PSD: variants seen among roughly 807,000 people sequenced by gnomAD.
The protein encoded by PSD is pleckstrin and Sec7 domain containing.
PSD carries 32 observed loss-of-function variants against 91.6 expected under a neutral mutation model. The observed-to-expected ratio is 0.35, with a 90% confidence interval of 0.26 to 0.47. The LOEUF (loss-of-function observed/expected upper bound fraction) is 0.47. Ranked by LOEUF, PSD falls within the 20% of genes least tolerant of loss-of-function variation. The pLI is 1.00. For synonymous variants in PSD, 532 were observed against 569.3 expected (o/e 0.93, Z 0.93); for missense variants, 1,099 against 1,373.9 (o/e 0.80, Z 3.16).
rs149322948 is a variant in PSD at position 102,414,130 on chromosome 10, C to T, written c.1192G>A (p.Gly398Arg). ...FLPGTSPSAD[G>R]PDSFSCVFEA... ...AACACACAACTGAAAGAGTCAGGCC[C>T]ATCAGCCGAGGGGCTCGTCCCAGGT... Residue 398 changes from glycine to arginine, a missense_variant, in exon 5 of 17, where the codon GGG (glycine) becomes AGG (arginine). Around this residue, in one of 3 missense-constraint regions of PSD, gnomAD observed 631 missense variants for 728.8 expected, o/e 0.87. Transcript: ENST00000020673. The surrounding 1 kb of genome is among the most constrained non-coding windows in gnomAD (Gnocchi z 5.6). 4.3e-6 allele frequency: 7 copies of T among 1,613,936 alleles called. No individual in the cohort carries two copies. Among genetic ancestry groups the T allele is most frequent in the African/African-American group, 4.0e-5 (3 of 74,900 alleles).
chr10:102,411,915 TGGGAA>T, intron 7 of PSD, 96 bp from the exon 8 acceptor site: 2 of 985,284 alleles, frequency 2.0e-6, no homozygotes, highest in Non-Finnish European at 3.2e-6. Context: ...GCAGCTGGGG[TGGGAA>T]GGGGAGGAGA....
In PSD at chr10:102,409,285, G is replaced by A. The variant is rs1392347034; in HGVS notation, c.2091+1573C>T. 1.0e-6 allele frequency: 1 copy of A among 985,538 alleles called. No homozygotes were observed. The highest frequency in any genetic ancestry group is 1.1e-4 in the East Asian group (1 of 8,802). 61.0% of individuals were successfully genotyped at this position (985,538 alleles called of 1,614,324 possible). A position where few individuals can be genotyped will look rare whatever the true frequency, so the allele number is the denominator to read the frequency against. ...GGCGGCGCTGTCTGCTCTGCGGCTT[G>A]GCTAGAGCGGGAGGGGGGCGCCGAC... On this transcript the variant is annotated intron_variant, in intron 10 of 16. Transcript: ENST00000020673. This position sits in a 1 kb window ranked among gnomAD's most constrained non-coding sequence, Gnocchi z 5.7.
intron 10 of PSD, among the ~76,000 whole-genome samples, chr10:102,408,417 A>C (rs1340262148): frequency 1.3e-5 from 2 of 148,912 alleles, no homozygotes; most frequent in Non-Finnish European, 1.5e-5. Context: ...TCCAACCCCC[A>C]CTCCACCGCC....
In PSD at chr10:102,405,142, C is replaced by T. The variant is rs375437289; in HGVS notation, c.2397+41G>A. The stretch of plus-strand genomic sequence containing the variant: ...CACCCATCACCCCACACCCACCAGC[C>T]AACTCAGTCCCAGCCCCAGCCCCCT... On this transcript the variant is annotated intron_variant, in intron 13 of 16. Transcript: ENST00000020673. This position sits in a 1 kb window ranked among gnomAD's most constrained non-coding sequence, Gnocchi z 5.4. 204 of 1,610,784 alleles carry T rather than the reference C, an allele frequency of 1.3e-4. 2 individuals carry two copies. The African/African-American group carries it at 2.3e-3, about 19-fold the overall frequency.
intron 1 of PSD, among the ~76,000 whole-genome samples, chr10:102,417,638 G>T (rs2061497479): frequency 6.6e-6 from 1 of 152,068 alleles, no homozygotes; most frequent in Admixed American, 6.6e-5. Flanking sequence ...GCATGGAAGT[G>T]GGGAGAAAAG....
At position 102,411,767 on chromosome 10, in the gene PSD, C is replaced by T. The variant is rs1464678332; in HGVS notation, c.1882G>A (p.Val628Met). ...LMGETQERER[V>M]LAHFSQRYFQ... ...TATCGCTGGGAGAAGTGGGCCAGCA[C>T]GCGCTCTCGTTCCTGGGTCTCACCC... is the stretch of plus-strand genomic sequence containing the variant. Residue 628 changes from valine to methionine, a missense_variant, in exon 8 of 17, where the codon GTG becomes ATG. Physicochemically the swap from Val to Met is conservative, Grantham distance 21. This residue lies in a region of PSD where 110 missense variants were observed against 218.7 expected (regional missense o/e 0.50). Transcript: ENST00000020673. The T allele has an allele frequency of 1.2e-6, 2 of 1,613,804 alleles. No individual in the cohort carries two copies. The highest frequency in any genetic ancestry group is 1.7e-5 in the Admixed American group (1 of 59,996).
In PSD at chr10:102,405,377, T is replaced by A. The variant is rs779013414; in HGVS notation, c.2295A>T (p.Arg765=). 1 of 1,613,358 alleles carries A rather than the reference T, an allele frequency of 6.2e-7. No homozygotes were observed. The highest frequency in any genetic ancestry group is 2.2e-5 in the East Asian group (1 of 44,878). Residue 765 remains arginine (R), a synonymous_variant, in exon 12 of 17, where the codon CGA becomes CGT. Coordinates refer to ENST00000020673, the MANE Select transcript of PSD (RefSeq NM_002779.5). The surrounding 1 kb of genome is among the most constrained non-coding windows in gnomAD (Gnocchi z 5.4). ...AAVYKHGALV[R]KVHADPDCRK... is the part of the protein sequence containing the mutation. ...TGCAGTCAGGGTCTGCGTGCACCTT[T>A]CGCACCAGGGCCCCGTGCTTGTAGA... is the stretch of plus-strand genomic sequence containing the variant.
intron 10 of PSD, among the ~76,000 whole-genome samples, chr10:102,408,391 G>A (rs1432564995): frequency 6.6e-6 from 1 of 152,056 alleles, no homozygotes; most frequent in African/African-American, 2.4e-5. Flanking sequence ...TCTGGGGATG[G>A]GTGTACCCCA....
chr10:102,419,476 C>A (rs1352750884), upstream of PSD: 3 of 152,964 alleles, frequency 2.0e-5, no homozygotes, highest in African/African-American at 7.2e-5. The surrounding 1 kb of genome is among the most constrained non-coding windows in gnomAD (Gnocchi z 4.8). Flanking sequence ...AACCCTTGTG[C>A]CCTTGGCCAG....
Position 102,404,478 on chromosome 10 carries a change from G to A in PSD, c.2700+105C>T. On this transcript the variant is annotated intron_variant, in intron 15 of 16. Coordinates refer to ENST00000020673, the MANE Select transcript of PSD (RefSeq NM_002779.5). The surrounding 1 kb of genome is among the most constrained non-coding windows in gnomAD (Gnocchi z 5.7). Reference sequence around the variant, plus strand: ...GCTCACCCCTGTGGCCAGCATCCTGGTGCAGGGGACATCTCCACGATCACA... The same window carrying A: ...GCTCACCCCTGTGGCCAGCATCCTGATGCAGGGGACATCTCCACGATCACA... 7.1e-7 allele frequency: 1 copy of A among 1,414,818 alleles called. No homozygotes were observed. The highest frequency in any genetic ancestry group is 2.3e-5 in the East Asian group (1 of 42,656). 87.6% of individuals were successfully genotyped at this position (1,414,818 alleles called of 1,614,324 possible). A position where few individuals can be genotyped will look rare whatever the true frequency, so the allele number is the denominator to read the frequency against.
Position 102,411,783 on chromosome 10 carries a change from G to C in PSD, c.1866C>G (p.Thr622=). Residue 622 remains threonine, a synonymous_variant, in exon 8 of 17, where the codon ACC becomes ACG. Transcript: ENST00000020673. ...FLKELALMGE[T]QERERVLAHF... is the part of the protein sequence containing the mutation. ...GGGCCAGCACGCGCTCTCGTTCCTG[G>C]GTCTCACCCATTAAGGCCAGCTCCT... The C allele has an allele frequency of 6.2e-7, 1 of 1,613,594 alleles. No homozygotes were observed.
intron 8 of PSD, among the ~76,000 whole-genome samples, 178 bp from the exon 9 acceptor site, chr10:102,411,294 C>CCTATCCCTCTTCTCAGGAG (rs796448116): frequency 0.018 from 2,762 of 151,648 alleles, 80 homozygotes; most frequent in African/African-American, 0.063. Flanking sequence ...TCAGCAAGGA[C>CCTATCCCTCTTCTCAGGAG]CCGTCCCTGG....
intron 3 of PSD, 139 bp from the exon 4 acceptor site, chr10:102,415,368 T>C (rs1209659015): frequency 1.9e-6 from 2 of 1,053,038 alleles, no homozygotes; most frequent in Non-Finnish European, 2.6e-6. Context: ...TCCTGCTACA[T>C]ACTTAGCTTG....
At chr10:102,418,902 GC>G (rs994479346), upstream of PSD, 13 of 341,414 alleles carry the variant, frequency 3.8e-5, no homozygotes, top group East Asian at 2.4e-4. Flanking sequence ...GAGGCTGCCA[GC>G]CCCCCTTGTC....
Position 102,403,025 on chromosome 10 carries a change from A to G in PSD, c.*175T>C, listed in dbSNP as rs1429103256. ...AAAAGGGGCTCTCGGAGGTGCCCCT[A>G]GCCTAGGCTCCTGAGGCCCAGGCCC... On this transcript the variant is annotated 3_prime_UTR_variant, in exon 17 of 17. Coordinates refer to ENST00000020673, the MANE Select transcript of PSD (RefSeq NM_002779.5). This position sits in a 1 kb window ranked among gnomAD's most constrained non-coding sequence, Gnocchi z 6.7. The G allele has an allele frequency of 1.3e-5, 3 of 236,838 alleles. No individual in the cohort carries two copies. The highest frequency in any genetic ancestry group is 5.3e-5 in the African/African-American group (2 of 37,668). 14.7% of individuals were successfully genotyped at this position (236,838 alleles called of 1,614,324 possible).
chr10:102,412,265 G>A, intron 6 of PSD, 38 bp from the exon 7 acceptor site: 4 of 1,611,968 alleles, frequency 2.5e-6, no homozygotes, highest in Non-Finnish European at 3.4e-6. Context: ...GGTCTCAAGG[G>A]GAAGTGCAGG....
At chr10:102,406,511 T>TC (rs201660054) in intron 11 of PSD, among the ~76,000 whole-genome samples, 2,686 of 149,560 alleles carry the variant, frequency 0.018, 74 homozygotes, top group African/African-American at 0.062. Context: ...CTTTTTTCTT[T>TC]TTTTTTTTTT....
At chr10:102,411,604 T>C (rs2061425315) in intron 8 of PSD, 103 bp downstream of exon 8, 1 of 846,792 alleles carries the variant, frequency 1.2e-6, no homozygotes, top group African/African-American at 1.7e-5. Context: ...GTACATCCAT[T>C]CCCTGCTGTA....
In PSD at chr10:102,416,714, C is replaced by T. The variant is rs117436403; in HGVS notation, c.325G>A (p.Ala109Thr). The change falls in exon 2 of 17, where the codon GCC becomes ACC. Residue 109 changes from alanine to threonine, a missense_variant. Physicochemically the swap from Ala to Thr is moderately conservative, Grantham distance 58 (BLOSUM62 0). Transcript: ENST00000020673. This position sits in a 1 kb window ranked among gnomAD's most constrained non-coding sequence, Gnocchi z 6.0. ...AGCCCATTCAGTGGCCTCACACTGG[C>T]CTTCTCCACAAAGCGGAAGATGACC... ...SVVIFRFVEK[A>T]SVRPLNGLPA... The T allele has an allele frequency of 0.021, 33,794 of 1,600,032 alleles. 496 individuals carry two copies. The highest frequency in any genetic ancestry group is 0.042 in the Admixed American group (2,429 of 57,928).
Sources: gnomAD v4.1 joint callset for allele counts (sites outside exome capture counted in the v4.1 genomes callset) on GRCh38, gnomAD v4.1.1 for gene constraint, gnomAD v4.1.1 regional missense constraint, Gnocchi (gnomAD v3.1) non-coding constraint, MANE v1.5 for transcripts, NCBI Gene and HGNC (gene_info 2026-07-23, HGNC 2026-07-21) for gene names.